MACF1: variants seen among roughly 807,000 people sequenced by gnomAD.
MACF1 encodes the protein microtubule-actin cross-linking factor 1.
A neutral mutation model predicts 854.8 loss-of-function variants in MACF1; 193 were observed. The observed-to-expected ratio is 0.23, with a 90% CI of 0.20 to 0.25. The LOEUF is 0.25. MACF1 is among the 10% of genes least tolerant of loss of function. MACF1 has a pLI of 1.00. For missense variants in MACF1, 7,722 were observed against 8,929.1 expected, an observed-to-expected ratio of 0.86 and a Z score of 5.45; for synonymous variants, 3,185 against 3,226.7, an observed-to-expected ratio of 0.99 and a Z score of 0.44.
intron 85 of MACF1, among the ~76,000 whole-genome samples, chr1:39,451,571 T>C (rs193090051): frequency 1.1e-4 from 17 of 152,274 alleles, no homozygotes; most frequent in African/African-American, 4.1e-4. Flanking sequence ...AAACCACTTC[T>C]GAACCTAACA....
chr1:39,368,691 G>T (rs963370964), intron 50 of MACF1, among the ~76,000 whole-genome samples: 3 of 151,854 alleles, frequency 2.0e-5, no homozygotes. Context: ...TAGTAGAGAC[G>T]GGGTTTCCCT....
chr1:39,430,947 G>A (rs780472576), intron 66 of MACF1, 39 bp downstream of exon 66: 2 of 1,546,830 alleles, frequency 1.3e-6, no homozygotes, highest in Admixed American at 1.7e-5. Context: ...ATTTTAGACA[G>A]TATTGATGTG....
Position 39,388,576 on chromosome 1 carries a change from C to T in MACF1, c.15734C>T (p.Thr5245Ile), listed in dbSNP as rs746205785. 2 of 1,613,912 alleles carry T rather than the reference C, an allele frequency of 1.2e-6. No individual in the cohort carries two copies. Among genetic ancestry groups the T allele is most frequent in the East Asian group, 2.2e-5 (1 of 44,888 alleles). Residue 5245 changes from threonine (T) to isoleucine (I), a missense_variant, in exon 58 of 101, where the codon ACA (threonine) becomes ATA (isoleucine). Coordinates refer to ENST00000564288, the MANE Select transcript of MACF1 (RefSeq NM_001394062.1). ...TTGAAAGGACTCAATGACGCGACCA[C>T]AGCAGCAGAGGAGGCAGAGGCCCTC... ...RKLKGLNDAT[T>I]AAEEAEALQW...
intron 2 of MACF1, among the ~76,000 whole-genome samples, chr1:39,144,760 G>C (rs747287654): frequency 6.6e-6 from 1 of 151,960 alleles, no homozygotes; most frequent in Non-Finnish European, 1.5e-5. Flanking sequence ...CAAAGTGCTG[G>C]GATTACAGGT....
chr1:39,380,602 A>G (rs917507559), intron 55 of MACF1, among the ~76,000 whole-genome samples: 5 of 152,178 alleles, frequency 3.3e-5, no homozygotes, highest in Non-Finnish European at 7.3e-5. Flanking sequence ...CTGGTAATCT[A>G]CTGTGATCAA....
In MACF1 at chr1:39,084,969, G is replaced by A. The variant is rs942037170; in HGVS notation, c.220+531G>A. Among the ~76,000 whole-genome samples, 4 of 152,110 alleles carry A rather than the reference G, an allele frequency of 2.6e-5. No individual in the cohort carries two copies. The highest frequency in any genetic ancestry group is 9.7e-5 in the African/African-American group (4 of 41,418). On this transcript the variant is annotated intron_variant, in intron 2 of 93. Transcript: ENST00000361689. The surrounding 1 kb of genome is among the most constrained non-coding windows in gnomAD (Gnocchi z 5.2). ...ATCCTTGGAGAGTACAGTTTTACTT[G>A]TATCGCCTTCCAAAAGTGTTCTACA...
intron 51 of MACF1, among the ~76,000 whole-genome samples, chr1:39,371,518 A>T (rs1649242148): frequency 6.6e-6 from 1 of 152,030 alleles, no homozygotes. Context: ...CTTTCTCTGA[A>T]AGGAGTAAAA....
At chr1:39,352,499 A>G (rs1163121585) in intron 43 of MACF1, among the ~76,000 whole-genome samples, 1 of 152,196 alleles carries the variant, frequency 6.6e-6, no homozygotes, top group Non-Finnish European at 1.5e-5. Context: ...TGACCTCTAA[A>G]TAAAATATTT....
chr1:39,174,891 G>T (rs1187045282), intron 2 of MACF1, among the ~76,000 whole-genome samples: 1 of 152,208 alleles, frequency 6.6e-6, no homozygotes, highest in African/African-American at 2.4e-5. Flanking sequence ...GTCACTAGTG[G>T]AGGCTCTGGG....
At chr1:39,394,020 T>C (rs564556853) in intron 58 of MACF1, among the ~76,000 whole-genome samples, 1 of 152,272 alleles carries the variant, frequency 6.6e-6, no homozygotes, top group East Asian at 1.9e-4. Context: ...GTGGTGCATA[T>C]AAAGCACCCA....
chr1:39,335,501 G>A lies in MACF1; in HGVS notation c.8913G>A (p.Val2971=), dbSNP rs749764590. 3.1e-6 allele frequency: 5 copies of A among 1,614,050 alleles called. No homozygotes were observed. In the African/African-American group the frequency reaches 6.7e-5, roughly 22 times the overall value. Residue 2971 remains valine, a synonymous_variant, in exon 37 of 101, where the codon GTG becomes GTA. Coordinates refer to ENST00000564288, the MANE Select transcript of MACF1 (RefSeq NM_001394062.1). Reference sequence around the variant, plus strand: ...TGCAGCAACCAATGAATGCTCGGGTGAAAAGTAAGAGAGAGAAGAGGGAGG... The same window carrying A: ...TGCAGCAACCAATGAATGCTCGGGTAAAAAGTAAGAGAGAGAAGAGGGAGG... ...QVLQQPMNAR[V]KSKREKREVI...
Position 39,336,410 on chromosome 1 carries a change from A to G in MACF1, c.9822A>G (p.Lys3274=), listed in dbSNP as rs1419128828. The change falls in exon 37 of 101, where the codon AAA becomes AAG. Residue 3274 remains lysine, a synonymous_variant. Transcript: ENST00000564288. ...SRVLGSFLPE[K]LFKGVSQKEN... Reference sequence around the variant, plus strand: ...TCTTGGGATCCTTTCTTCCAGAGAAACTGTTCAAAGGAGTGTCTCAAAAAG... The same window carrying G: ...TCTTGGGATCCTTTCTTCCAGAGAAGCTGTTCAAAGGAGTGTCTCAAAAAG... 4 of 1,614,068 alleles carry G rather than the reference A, an allele frequency of 2.5e-6. No individual in the cohort carries two copies. The highest frequency in any genetic ancestry group is 2.7e-5 in the African/African-American group (2 of 74,922).
intron 2 of MACF1, among the ~76,000 whole-genome samples, chr1:39,094,582 G>A (rs1258436022): frequency 6.6e-6 from 1 of 152,040 alleles, no homozygotes; most frequent in Non-Finnish European, 1.5e-5. Context: ...GCCGGGCGTG[G>A]TGGTGCATGC....
chr1:39,430,748 T>C lies in MACF1; in HGVS notation c.17177T>C (p.Val5726Ala), dbSNP rs776007260. The change falls in exon 66 of 101, where the codon GTG becomes GCG. Residue 5726 changes from valine to alanine, a missense_variant. By Grantham distance (64) the Val-to-Ala change is moderately conservative (BLOSUM62 0). This residue lies in a region of MACF1 where 2,807 missense variants were observed against 3,235.8 expected (regional missense o/e 0.87). Coordinates refer to ENST00000564288, the MANE Select transcript of MACF1 (RefSeq NM_001394062.1). ...VMEHRLVLDTVNEVSRALLEL... is the reference protein window; with the variant it reads ...VMEHRLVLDTANEVSRALLEL... ...GAGCACAGGCTGGTGTTGGACACAG[T>C]GAATGAGGTGAGCCGTGCTCTCTTA... The C allele has an allele frequency of 1.9e-6, 3 of 1,612,074 alleles. No homozygotes were observed. Among genetic ancestry groups the C allele is most frequent in the Non-Finnish European group, 2.5e-6 (3 of 1,179,956 alleles).
At chr1:39,462,420 A>G (rs1644572262) in intron 93 of MACF1, among the ~76,000 whole-genome samples, 1 of 152,098 alleles carries the variant, frequency 6.6e-6, no homozygotes, top group Admixed American at 6.5e-5. Flanking sequence ...AAGGGTTGAA[A>G]TGGACTGGGC....
rs143338205 is a variant in MACF1, at chr1:39,385,904, T to A, written c.14319T>A (p.Pro4773=). 9.9e-4 allele frequency: 1,597 copies of A among 1,611,888 alleles called. 4 individuals are homozygous for A. The highest frequency in any genetic ancestry group is 1.5e-3 in the Admixed American group (87 of 59,856). The part of the protein sequence containing the change: ...LKKRLETVAL[P]LQGLEDLAAD... ...AGCGTTTGGAGACAGTTGCCCTGCC[T>A]CTCCAAGGTTTAGAAGACCTTGCAG... is the stretch of plus-strand genomic sequence containing the variant. The change falls in exon 57 of 101, where the codon CCT becomes CCA. Residue 4773 remains proline (P), a synonymous_variant. Transcript: ENST00000564288.
intron 1 of MACF1, among the ~76,000 whole-genome samples, chr1:39,213,266 G>A (rs970303595): frequency 6.6e-6 from 1 of 151,962 alleles, no homozygotes; most frequent in African/African-American, 2.4e-5. Flanking sequence ...AGGTTATTGA[G>A]TACCTTCTAA....
chr1:39,254,866 A>G (rs1366458393), intron 5 of MACF1, among the ~76,000 whole-genome samples: 10 of 152,164 alleles, frequency 6.6e-5, no homozygotes, highest in Admixed American at 6.5e-4. Context: ...TTTAGAGTAT[A>G]GTAGAGCTAG....
intron 2 of MACF1, among the ~76,000 whole-genome samples, chr1:39,113,233 T>C (rs1305587910): frequency 1.3e-5 from 2 of 152,140 alleles, no homozygotes; most frequent in Non-Finnish European, 2.9e-5. Flanking sequence ...TTCCCCATCA[T>C]AGTATCTGCT....
Sources: gnomAD v4.1 joint callset for allele counts (sites outside exome capture counted in the v4.1 genomes callset) on GRCh38, gnomAD v4.1.1 for gene constraint, gnomAD v4.1.1 regional missense constraint, Gnocchi (gnomAD v3.1) non-coding constraint, MANE v1.5 for transcripts, NCBI Gene and HGNC (gene_info 2026-07-23, HGNC 2026-07-21) for gene names.